Variants in TENM2 observed in about 807,000 individuals in gnomAD.
TENM2 encodes teneurin-2.
A neutral mutation model predicts 245.2 loss-of-function variants in TENM2; 52 were observed. The observed-to-expected ratio is 0.21, with a 90% CI of 0.17 to 0.27. The LOEUF is 0.27. Ranked by LOEUF, TENM2 falls within the 10% of genes least tolerant of loss-of-function variation. The probability of loss-of-function intolerance (pLI) is 1.00; values close to 1 mark genes in which losing one functional copy is unlikely to be tolerated. For missense variants in TENM2, 3,046 were observed against 3,666.8 expected (o/e 0.83, Z 4.37); for synonymous variants, 1,363 against 1,438.9 (o/e 0.95, Z 1.19).
chr5:167,748,075 A>G (rs917579790), intron 2 of TENM2, among the ~76,000 whole-genome samples: 4 of 152,176 alleles, frequency 2.6e-5, no homozygotes, highest in African/African-American at 9.6e-5. Context: ...TTGAACATGT[A>G]CTTTCCTGTA....
At chr5:167,512,155 A>C (rs577873763) in intron 2 of TENM2, among the ~76,000 whole-genome samples, 1 of 152,348 alleles carries the variant, frequency 6.6e-6, no homozygotes, top group Non-Finnish European at 1.5e-5. Context: ...CCTTGAATTC[A>C]TTACTGGATT....
intron 25 of TENM2, among the ~76,000 whole-genome samples, chr5:168,236,943 T>C (rs1234272030): frequency 4.6e-3 from 3 of 656 alleles, no homozygotes; most frequent in Non-Finnish European, 9.5e-3. Flanking sequence ...CCTAATCATA[T>C]ATATATATAT....
intron 2 of TENM2, among the ~76,000 whole-genome samples, chr5:167,582,803 T>G: frequency 6.6e-6 from 1 of 152,212 alleles, no homozygotes; most frequent in East Asian, 1.9e-4. Context: ...TAATTTGTTT[T>G]TAAACACTTG....
the TENM2 span, among the ~76,000 whole-genome samples, chr5:167,178,994 A>G: frequency 4.6e-5 from 7 of 152,310 alleles, no homozygotes; most frequent in South Asian, 2.1e-4. Flanking sequence ...ATATACATCA[A>G]TGAGGTTAGG....
chr5:167,965,109 T>C (rs753979746), intron 4 of TENM2: 5 of 152,084 alleles, frequency 3.3e-5, no homozygotes, highest in Admixed American at 6.6e-5. Flanking sequence ...GAGGTATAGT[T>C]TGAAGGTAGG....
chr5:166,998,090 G>T, the TENM2 span, among the ~76,000 whole-genome samples: 144,925 of 152,210 alleles, frequency 0.95, 69,041 homozygotes, highest in Middle Eastern at 0.97. Context: ...AGCTAAGACT[G>T]TGGTAACAAG....
At chr5:167,060,858 G>A in the TENM2 span, among the ~76,000 whole-genome samples, 1 of 151,874 alleles carries the variant, frequency 6.6e-6, no homozygotes, top group Non-Finnish European at 1.5e-5. Context: ...CACATTTTTA[G>A]TGCTTCATGG....
At chr5:168,245,413 G>A (rs1766462881) in intron 26 of TENM2, among the ~76,000 whole-genome samples, 1 of 152,002 alleles carries the variant, frequency 6.6e-6, no homozygotes, top group Non-Finnish European at 1.5e-5. Flanking sequence ...AAGCCGTCAG[G>A]ATGGGGAATT....
intron 12 of TENM2, among the ~76,000 whole-genome samples, chr5:168,147,310 A>G (rs1756183250): frequency 6.6e-6 from 1 of 152,240 alleles, no homozygotes; most frequent in Non-Finnish European, 1.5e-5. Context: ...GGGAACCATC[A>G]TTTCGAATCT....
At chr5:167,422,372 T>C (rs1763562311) in intron 2 of TENM2, among the ~76,000 whole-genome samples, 1 of 152,184 alleles carries the variant, frequency 6.6e-6, no homozygotes, top group African/African-American at 2.4e-5. Flanking sequence ...GATCTAGTTA[T>C]TCATGCAGAT....
At chr5:167,015,545 T>C in the TENM2 span, among the ~76,000 whole-genome samples, 2 of 152,212 alleles carry the variant, frequency 1.3e-5, no homozygotes, top group East Asian at 1.9e-4. Context: ...CTGGGTCATC[T>C]TCTTATTAAT....
intron 2 of TENM2, among the ~76,000 whole-genome samples, chr5:167,496,954 C>CA (rs1768858362): frequency 6.6e-6 from 1 of 151,232 alleles, no homozygotes; most frequent in African/African-American, 2.4e-5. Flanking sequence ...AAGATTCTAT[C>CA]AAAAGTATTT....
the TENM2 span, among the ~76,000 whole-genome samples, chr5:167,176,867 A>T: frequency 9.7e-4 from 148 of 152,330 alleles, no homozygotes; most frequent in African/African-American, 3.5e-3. Context: ...CCGTGGTTTA[A>T]TCTGGATGGA....
the TENM2 span, among the ~76,000 whole-genome samples, chr5:167,210,591 G>A: frequency 6.6e-6 from 1 of 151,320 alleles, no homozygotes; most frequent in Middle Eastern, 3.4e-3. Flanking sequence ...AGCCTCCCGA[G>A]TAGCTGGGAC....
chr5:167,142,455 T>C, the TENM2 span, among the ~76,000 whole-genome samples: 1 of 151,588 alleles, frequency 6.6e-6, no homozygotes, highest in African/African-American at 2.4e-5. Context: ...GCTCTCAACT[T>C]TTATCCATAT....
At chr5:167,798,733 A>G (rs1765491763) in intron 2 of TENM2, among the ~76,000 whole-genome samples, 1 of 152,204 alleles carries the variant, frequency 6.6e-6, no homozygotes, top group African/African-American at 2.4e-5. Context: ...ACAAATTCCC[A>G]TTTAGTCAGC....
At chr5:167,619,796 C>T (rs1182566832) in intron 2 of TENM2, among the ~76,000 whole-genome samples, 1 of 152,112 alleles carries the variant, frequency 6.6e-6, no homozygotes, top group Non-Finnish European at 1.5e-5. Flanking sequence ...ATTGGGTAAA[C>T]TTGCTCACTC....
intron 2 of TENM2, among the ~76,000 whole-genome samples, chr5:167,785,364 C>T (rs1002500810): frequency 6.6e-6 from 1 of 152,022 alleles, no homozygotes; most frequent in Non-Finnish European, 1.5e-5. Context: ...TCTTTCTTCC[C>T]TTTTTTTTCC....
At chr5:167,436,916 C>G (rs752260055) in intron 2 of TENM2, among the ~76,000 whole-genome samples, 5 of 152,192 alleles carry the variant, frequency 3.3e-5, no homozygotes, top group Non-Finnish European at 5.9e-5. Context: ...TATGGAAATG[C>G]CTGGATGCCT....
Sources: allele counts gnomAD v4.1 joint callset (sites outside exome capture counted in the v4.1 genomes callset), GRCh38; gene constraint gnomAD v4.1.1; transcripts MANE v1.5; gene names NCBI Gene and HGNC (gene_info 2026-07-23, HGNC 2026-07-21).